Variants in CD109 observed in about 807,000 individuals in gnomAD.
CD109 encodes CD109 antigen.
CD109 carries 149 observed loss-of-function variants against 165.8 expected under a neutral mutation model. The ratio of observed to expected loss-of-function variants is 0.90; its 90% CI spans 0.79 to 1.03. The LOEUF is 1.03. Among genes scored for constraint, CD109 ranks in the 50% least tolerant of loss-of-function variants. The pLI, the probability that CD109 is intolerant of heterozygous loss-of-function variation, is 0.00. For synonymous variants in CD109, 585 were observed against 592.1 expected (o/e 0.99, Z 0.18); for missense variants, 1,712 against 1,677.8 (o/e 1.02, Z -0.36).
intron 5 of CD109, among the ~76,000 whole-genome samples, chr6:73,751,826 C>T (rs1431661369): frequency 6.6e-6 from 1 of 152,174 alleles, no homozygotes; most frequent in African/African-American, 2.4e-5. Flanking sequence ...CCTGAAATTC[C>T]CTTCTAGTTT....
rs779158159 is a variant in CD109 at position 73,759,034 on chromosome 6, T to G, written c.758+6T>G. 6.4e-7 allele frequency: 1 copy of G among 1,554,956 alleles called. No individual in the cohort carries two copies. The highest frequency in any genetic ancestry group is 8.9e-7 in the Non-Finnish European group (1 of 1,127,864). On this transcript the variant is annotated splice_donor_region_variant and intron_variant, in intron 7 of 32. Transcript: ENST00000287097. The stretch of plus-strand genomic sequence containing the variant: ...AATGGTACCATCACGGCAAAGTAAG[T>G]GTCATTTTTCTTTTGATATGACTCA...
chr6:73,789,368 T>G (rs555184817), intron 22 of CD109, among the ~76,000 whole-genome samples: 4 of 152,302 alleles, frequency 2.6e-5, no homozygotes, highest in South Asian at 4.1e-4. Context: ...CAATGTGGAA[T>G]AACTAAATCA....
intron 17 of CD109, among the ~76,000 whole-genome samples, chr6:73,782,271 A>T (rs960319387): frequency 6.6e-6 from 1 of 152,210 alleles, no homozygotes; most frequent in African/African-American, 2.4e-5. Context: ...CATGTGGTAC[A>T]TTTAGCTTTC....
chr6:73,724,450 C>G (rs1772063545), intron 3 of CD109, among the ~76,000 whole-genome samples: 1 of 152,102 alleles, frequency 6.6e-6, no homozygotes, highest in Non-Finnish European at 1.5e-5. Flanking sequence ...TGGGGCTTTA[C>G]ATGCTTAATG....
chr6:73,741,651 T>A (rs1772788597), intron 5 of CD109, among the ~76,000 whole-genome samples: 1 of 152,186 alleles, frequency 6.6e-6, no homozygotes, highest in Non-Finnish European at 1.5e-5. Context: ...TCTCAAATAA[T>A]TGCACATGGT....
intron 3 of CD109, among the ~76,000 whole-genome samples, chr6:73,726,838 T>C (rs912919875): frequency 6.6e-6 from 1 of 152,218 alleles, no homozygotes; most frequent in African/African-American, 2.4e-5. Context: ...ATTCCCAGAC[T>C]CTTGTCCTGC....
Position 73,787,375 on chromosome 6 carries a change from C to A in CD109, c.2479C>A (p.Leu827Met). ...TVLFPIRPTH[L>M]GEIPITVTAL... is the part of the protein sequence containing the mutation. ...TCTTTTTCCCATCAGGCCAACACAT[C>A]TGGGAGAAATTCCTATCACAGTCAC... The change falls in exon 21 of 33, where the codon CTG becomes ATG. Residue 827 changes from leucine to methionine, a missense_variant. Transcript: ENST00000287097. The A allele has an allele frequency of 6.2e-7, 1 of 1,614,092 alleles. No homozygotes were observed. The highest frequency in any genetic ancestry group is 8.5e-7 in the Non-Finnish European group (1 of 1,179,958).
the CD109 span, among the ~76,000 whole-genome samples, chr6:73,685,555 T>A: frequency 1.4e-4 from 22 of 152,322 alleles, no homozygotes; most frequent in African/African-American, 5.1e-4. Context: ...AAACAATTTT[T>A]AAAAAATTTT....
chr6:73,808,339 C>T, intron 26 of CD109, 91 bp downstream of exon 26: 1 of 1,251,580 alleles, frequency 8.0e-7, no homozygotes, highest in Non-Finnish European at 1.1e-6. Context: ...AAATTGATTA[C>T]ATCTGCATCT....
chr6:73,722,959 G>A (rs554702843), intron 2 of CD109, among the ~76,000 whole-genome samples: 3 of 152,280 alleles, frequency 2.0e-5, no homozygotes, highest in African/African-American at 7.2e-5. Flanking sequence ...ATAGCAACAA[G>A]GGCAGCAGCA....
chr6:73,685,093 G>T, the CD109 span, among the ~76,000 whole-genome samples: 2 of 151,762 alleles, frequency 1.3e-5, no homozygotes, highest in Non-Finnish European at 2.9e-5. Flanking sequence ...TAGTGGAGAC[G>T]GGGTTTCACT....
At chr6:73,798,464 G>A (rs1399566923) in intron 23 of CD109, among the ~76,000 whole-genome samples, 1 of 152,144 alleles carries the variant, frequency 6.6e-6, no homozygotes, top group African/African-American at 2.4e-5. Context: ...GGGACGATTT[G>A]GAGGACAGTC....
chr6:73,791,526 C>T (rs1182712421), intron 22 of CD109, among the ~76,000 whole-genome samples: 1 of 151,840 alleles, frequency 6.6e-6, no homozygotes, highest in African/African-American at 2.4e-5. Context: ...AAATATGTAC[C>T]ATCACTCCTT....
In CD109 at chr6:73,768,103, A is replaced by G. The variant is rs1454897095; in HGVS notation, c.1546A>G (p.Met516Val). ...LVAVGKQNST[M>V]FSLTPENSWT... ...GGCTGTAGGAAAACAAAATTCAACA[A>G]TGTTCTCTTTAACACCAGAAAATTC... The change falls in exon 14 of 33, where the codon ATG becomes GTG. Residue 516 changes from methionine (M) to valine (V), a missense_variant. Met to Val is a conservative substitution (Grantham distance 21, BLOSUM62 1). Transcript: ENST00000287097. The G allele has an allele frequency of 1.2e-6, 2 of 1,613,452 alleles. No homozygotes were observed. The highest frequency in any genetic ancestry group is 1.1e-5 in the South Asian group (1 of 91,048).
intron 4 of CD109, among the ~76,000 whole-genome samples, chr6:73,731,548 G>A (rs1772369776): frequency 6.6e-6 from 1 of 152,222 alleles, no homozygotes; most frequent in African/African-American, 2.4e-5. Flanking sequence ...AAGTAGGTGG[G>A]TTAGGGTGGG....
chr6:73,791,136 C>CATATATATAT (rs61429872), intron 22 of CD109, among the ~76,000 whole-genome samples: 8 of 56,324 alleles, frequency 1.4e-4, no homozygotes, highest in African/African-American at 1.9e-4. Context: ...TACATACATA[C>CATATATATAT]ATATATATAT....
intron 9 of CD109, 80 bp downstream of exon 9, chr6:73,762,962 A>AT (rs953074832): frequency 8.2e-7 from 1 of 1,223,164 alleles, no homozygotes; most frequent in African/African-American, 1.5e-5. Context: ...TGGCACTTTC[A>AT]TTTGGGAGCA....
upstream of CD109, chr6:73,695,032 G>C (rs1770771533): frequency 6.6e-6 from 1 of 152,240 alleles, no homozygotes; most frequent in African/African-American, 2.4e-5. Flanking sequence ...CCAAACCACA[G>C]TTTGTCTAGG....
chr6:73,764,552 T>C (rs1352595847), intron 10 of CD109, among the ~76,000 whole-genome samples: 4 of 152,184 alleles, frequency 2.6e-5, no homozygotes, highest in Non-Finnish European at 4.4e-5. Flanking sequence ...TGGTGGCTCA[T>C]GCCTGTAATC....
Sources: gnomAD v4.1 joint callset for allele counts (sites outside exome capture counted in the v4.1 genomes callset) on GRCh38, gnomAD v4.1.1 for gene constraint, MANE v1.5 for transcripts, NCBI Gene and HGNC (gene_info 2026-07-23, HGNC 2026-07-21) for gene names.